LSAMP: variants seen among roughly 807,000 people sequenced by gnomAD.
The protein encoded by LSAMP is limbic system-associated membrane protein.
Under a neutral mutation model 38.6 loss-of-function variants are expected in LSAMP, and 7 were observed. That is an observed-to-expected ratio of 0.18 (90% CI 0.10 to 0.34). LSAMP has a LOEUF of 0.34. Among genes scored for constraint, LSAMP ranks in the 10% least tolerant of loss-of-function variants. The probability of loss-of-function intolerance (pLI) is 1.00; values close to 1 mark genes in which losing one functional copy is unlikely to be tolerated. For synonymous variants in LSAMP, 154 were observed against 166.8 expected (o/e 0.92, Z 0.59); for missense variants, 313 against 420.0 (o/e 0.75, Z 2.23).
At chr3:116,199,371 TTC>T (rs2045958456) in intron 1 of LSAMP, among the ~76,000 whole-genome samples, 1 of 152,230 alleles carries the variant, frequency 6.6e-6, no homozygotes, top group Non-Finnish European at 1.5e-5. Context: ...TCTTCCTACC[TTC>T]AATCTTACCT....
intron 1 of LSAMP, among the ~76,000 whole-genome samples, chr3:116,442,189 A>G (rs2049445419): frequency 6.6e-6 from 1 of 152,246 alleles, no homozygotes; most frequent in Admixed American, 6.5e-5. Context: ...CTCTTGTTTC[A>G]CAGAAAACTT....
At chr3:116,116,434 C>T (rs148584926) in intron 1 of LSAMP, among the ~76,000 whole-genome samples, 30 of 150,958 alleles carry the variant, frequency 2.0e-4, no homozygotes, top group Admixed American at 9.9e-4. Flanking sequence ...CAGTGGCTCA[C>T]ACCTGTAATC....
chr3:116,342,439 C>A (rs1238396601), intron 1 of LSAMP, among the ~76,000 whole-genome samples: 4 of 151,920 alleles, frequency 2.6e-5, no homozygotes, highest in African/African-American at 9.7e-5. Context: ...TAGTAAGATG[C>A]TAGTATATTA....
intron 3 of LSAMP, among the ~76,000 whole-genome samples, chr3:115,863,093 A>T (rs1935755240): frequency 6.6e-6 from 1 of 152,152 alleles, no homozygotes; most frequent in South Asian, 2.1e-4. Flanking sequence ...AGTGCAAGTG[A>T]GGGTCACTAA....
intron 3 of LSAMP, among the ~76,000 whole-genome samples, chr3:115,985,776 T>C (rs1359858445): frequency 6.6e-6 from 1 of 152,136 alleles, no homozygotes; most frequent in Non-Finnish European, 1.5e-5. Context: ...TCTACAACCA[T>C]GTAGGTGAAC....
chr3:116,420,802 G>T (rs184403724), intron 1 of LSAMP, among the ~76,000 whole-genome samples: 6 of 152,072 alleles, frequency 3.9e-5, no homozygotes, highest in African/African-American at 1.4e-4. Flanking sequence ...ACTTGAACCC[G>T]GGAGGCAGAG....
At position 116,285,571 on chromosome 3, in the gene LSAMP, T is replaced by C. The variant is rs148605538; in HGVS notation, c.155+159306A>G. Among the ~76,000 whole-genome samples, 820 of 152,074 alleles carry C rather than the reference T, an allele frequency of 5.4e-3. 5 individuals are homozygous for C. The highest frequency in any genetic ancestry group is 0.019 in the African/African-American group (777 of 41,450). On this transcript the variant is annotated intron_variant, in intron 1 of 6. Coordinates refer to ENST00000490035, the MANE Select transcript of LSAMP (RefSeq NM_002338.5). ...TTTTTAAAGGATAGTTTCTAAAACA[T>C]CTCCCATTCCTTGTGCTTTCATTTT...
At chr3:116,377,393 C>G (rs1257278897) in intron 1 of LSAMP, among the ~76,000 whole-genome samples, 1 of 152,046 alleles carries the variant, frequency 6.6e-6, no homozygotes, top group East Asian at 1.9e-4. Flanking sequence ...ATACATGACC[C>G]TGCAAAGGAC....
chr3:116,311,896 C>T (rs2047562323), intron 1 of LSAMP, among the ~76,000 whole-genome samples: 2 of 152,122 alleles, frequency 1.3e-5, no homozygotes, highest in African/African-American at 2.4e-5. Flanking sequence ...GAAACTACAT[C>T]TGTTAAGTAA....
intron 1 of LSAMP, among the ~76,000 whole-genome samples, chr3:116,437,005 A>ATATATATG (rs1559867800): frequency 6.7e-6 from 1 of 149,114 alleles, no homozygotes; most frequent in African/African-American, 2.5e-5. Flanking sequence ...ATATATATAT[A>ATATATATG]TGTGTATATA....
intron 1 of LSAMP, among the ~76,000 whole-genome samples, chr3:116,243,729 A>G (rs919087824): frequency 2.6e-5 from 4 of 152,192 alleles, no homozygotes; most frequent in Admixed American, 6.5e-5. Flanking sequence ...TATTTCAGAA[A>G]TCATATGCTG....
At chr3:116,302,834 C>T (rs539039677) in intron 1 of LSAMP, among the ~76,000 whole-genome samples, 19 of 152,210 alleles carry the variant, frequency 1.2e-4, no homozygotes, top group Non-Finnish European at 2.6e-4. Flanking sequence ...TGAAAGCTGA[C>T]ATTTTAGTAG....
At chr3:116,336,852 G>C (rs1016262482) in intron 1 of LSAMP, among the ~76,000 whole-genome samples, 1 of 151,818 alleles carries the variant, frequency 6.6e-6, no homozygotes, top group Non-Finnish European at 1.5e-5. Flanking sequence ...CATGTTCACA[G>C]TAATGTTATT....
intron 3 of LSAMP, among the ~76,000 whole-genome samples, chr3:115,934,994 T>G (rs1371390904): frequency 4.0e-5 from 6 of 151,726 alleles, no homozygotes; most frequent in African/African-American, 1.5e-4. Flanking sequence ...AAATTATTTA[T>G]TGGGAAATAA....
chr3:116,405,535 A>C (rs2048887616), intron 1 of LSAMP, among the ~76,000 whole-genome samples: 1 of 152,104 alleles, frequency 6.6e-6, no homozygotes, highest in African/African-American at 2.4e-5. Flanking sequence ...ATAGTTAAAG[A>C]GGAGATGTTG....
intron 1 of LSAMP, among the ~76,000 whole-genome samples, chr3:116,317,590 T>C (rs974829815): frequency 9.2e-5 from 14 of 151,648 alleles, no homozygotes; most frequent in Non-Finnish European, 1.3e-4. Context: ...CTCCTGACCT[T>C]GTGATCCACC....
At chr3:116,374,504 T>C (rs770186654) in intron 1 of LSAMP, among the ~76,000 whole-genome samples, 2 of 151,914 alleles carry the variant, frequency 1.3e-5, no homozygotes, top group Non-Finnish European at 2.9e-5. Flanking sequence ...TACTAAAAGA[T>C]TGTGGCTGAC....
chr3:116,394,713 C>T (rs1205960281), intron 1 of LSAMP, among the ~76,000 whole-genome samples: 1 of 152,152 alleles, frequency 6.6e-6, no homozygotes, highest in Non-Finnish European at 1.5e-5. Flanking sequence ...CTCTTTTCTC[C>T]TCCCAACTCC....
At position 116,079,253 on chromosome 3, in the gene LSAMP, C is replaced by T. The variant is rs76039567; in HGVS notation, c.388+7071G>A. Among the ~76,000 whole-genome samples the T allele has an allele frequency of 9.6e-3, 1,463 of 152,308 alleles. 22 individuals are homozygous for T. Among genetic ancestry groups the T allele is most frequent in the African/African-American group, 0.033 (1,376 of 41,558 alleles). On this transcript the variant is annotated intron_variant, in intron 2 of 6. Coordinates refer to ENST00000490035, the MANE Select transcript of LSAMP (RefSeq NM_002338.5). Reference sequence around the variant, plus strand: ...CAGCTGCTCTCTTGGGTGGGCCTGGCCCTTCGGAGATGCCTCCTCACTCAG... The same window carrying T: ...CAGCTGCTCTCTTGGGTGGGCCTGGTCCTTCGGAGATGCCTCCTCACTCAG...
Sources: gnomAD v4.1 joint callset for allele counts (sites outside exome capture counted in the v4.1 genomes callset) on GRCh38, gnomAD v4.1.1 for gene constraint, MANE v1.5 for transcripts, NCBI Gene and HGNC (gene_info 2026-07-23, HGNC 2026-07-21) for gene names.